The following CDH13 variants were observed in gnomAD, a reference collection of about 807,000 sequenced individuals.
CDH13 encodes the protein cadherin-13.
In CDH13, 24 loss-of-function variants were observed where a neutral mutation model predicts 63.8. The observed-to-expected ratio is 0.38, with a 90% CI of 0.27 to 0.53. The LOEUF is 0.53. CDH13 is among the 20% of genes least tolerant of loss of function. CDH13 has a pLI of 0.85. For missense variants in CDH13, 1,049 were observed against 903.1 expected (o/e 1.16, Z -2.07); for synonymous variants, 503 against 355.3 (o/e 1.42, Z -4.67).
intron 5 of CDH13, among the ~76,000 whole-genome samples, chr16:83,238,779 ACTT>A (rs1465350283): frequency 2.0e-5 from 3 of 151,984 alleles, no homozygotes; most frequent in Admixed American, 6.6e-5. Context: ...AGCGTTGAAC[ACTT>A]CTTGTTGAAT....
chr16:83,245,071 G>C (rs1382868981), intron 5 of CDH13, among the ~76,000 whole-genome samples: 4 of 151,192 alleles, frequency 2.6e-5, no homozygotes, highest in Non-Finnish European at 4.4e-5. Flanking sequence ...CCTTTCTAGG[G>C]ATAGCAGTCC....
chr16:83,296,732 C>A (rs964178837), intron 5 of CDH13, among the ~76,000 whole-genome samples: 1 of 152,164 alleles, frequency 6.6e-6, no homozygotes, highest in African/African-American at 2.4e-5. Flanking sequence ...TTGCCAATCT[C>A]ACTACTATTT....
At chr16:83,022,390 A>T (rs1597157405) in intron 2 of CDH13, among the ~76,000 whole-genome samples, 1 of 152,198 alleles carries the variant, frequency 6.6e-6, no homozygotes, top group Non-Finnish European at 1.5e-5. Flanking sequence ...GGCAGTTCCT[A>T]TCTGTGTCAT....
chr16:83,619,046 C>T (rs760143710), intron 8 of CDH13, among the ~76,000 whole-genome samples: 4 of 152,214 alleles, frequency 2.6e-5, no homozygotes, highest in South Asian at 2.1e-4. Flanking sequence ...TTATGAGAAG[C>T]GTCACCTTCA....
chr16:82,739,213 A>G (rs1396299033), intron 1 of CDH13, among the ~76,000 whole-genome samples: 2 of 142,442 alleles, frequency 1.4e-5, no homozygotes. Flanking sequence ...TATATTTTTT[A>G]GTAATTACAT....
intron 6 of CDH13, among the ~76,000 whole-genome samples, chr16:83,475,851 A>T (rs1393535948): frequency 1.3e-5 from 2 of 152,082 alleles, no homozygotes; most frequent in African/African-American, 4.8e-5. Flanking sequence ...TCCCAAAGTG[A>T]TGGGATTACA....
At chr16:83,219,605 A>G (rs1287309652) in intron 5 of CDH13, among the ~76,000 whole-genome samples, 1 of 152,226 alleles carries the variant, frequency 6.6e-6, no homozygotes, top group Non-Finnish European at 1.5e-5. Context: ...TTAAAGGTGA[A>G]GGAAGGTAAG....
At chr16:83,177,453 G>C (rs1425600589) in intron 4 of CDH13, among the ~76,000 whole-genome samples, 4 of 152,194 alleles carry the variant, frequency 2.6e-5, no homozygotes, top group Admixed American at 6.5e-5. Context: ...AGCTATGATA[G>C]ATCATGGCAT....
chr16:83,633,057 G>A (rs1247973531), intron 8 of CDH13, among the ~76,000 whole-genome samples: 1 of 152,142 alleles, frequency 6.6e-6, no homozygotes, highest in Admixed American at 6.5e-5. Flanking sequence ...AATGACCAGA[G>A]GTCACTCTTG....
intron 1 of CDH13, among the ~76,000 whole-genome samples, chr16:82,831,659 A>T (rs2038548138): frequency 6.6e-6 from 1 of 152,228 alleles, no homozygotes; most frequent in South Asian, 2.1e-4. Context: ...CATTTCACTT[A>T]TGAGACAGAA....
Position 83,457,476 on chromosome 16 carries a change from A to G in CDH13, c.782-29001A>G, listed in dbSNP as rs533888948. Among the ~76,000 whole-genome samples, 12 of 152,198 alleles carry G rather than the reference A, an allele frequency of 7.9e-5. No individual in the cohort carries two copies. In the East Asian group the frequency reaches 9.7e-4, roughly 12 times the overall value. On this transcript the variant is annotated intron_variant, in intron 6 of 13. Coordinates refer to ENST00000567109, the MANE Select transcript of CDH13 (RefSeq NM_001257.5). The stretch of plus-strand genomic sequence containing the variant: ...CCTCCCTTACCCCCTCTGCTTTTCA[A>G]TTAAGGATTGTGTGTGTCTGCCACC...
intron 6 of CDH13, among the ~76,000 whole-genome samples, chr16:83,348,114 C>A (rs2090877380): frequency 6.6e-6 from 1 of 152,234 alleles, no homozygotes; most frequent in Middle Eastern, 3.4e-3. Flanking sequence ...TGCTTGAACC[C>A]AGGAGGCGGA....
intron 13 of CDH13, 130 bp downstream of exon 13, chr16:83,783,602 T>C: frequency 2.6e-6 from 2 of 771,414 alleles, no homozygotes; most frequent in East Asian, 2.6e-5. Context: ...CTTTAGTGTA[T>C]GTCTGTATGA....
intron 2 of CDH13, among the ~76,000 whole-genome samples, chr16:82,952,546 A>G (rs760396634): frequency 1.2e-4 from 19 of 152,210 alleles, no homozygotes; most frequent in Non-Finnish European, 2.2e-4. Flanking sequence ...GCAGAGAATA[A>G]CCATAACTTT....
intron 9 of CDH13, among the ~76,000 whole-genome samples, chr16:83,675,452 C>G (rs1455507889): frequency 6.6e-6 from 1 of 152,324 alleles, no homozygotes; most frequent in South Asian, 2.1e-4. Context: ...TCCTCTGAAG[C>G]CAGCGTTCCG....
chr16:83,373,402 G>A (rs991621838), intron 6 of CDH13, among the ~76,000 whole-genome samples: 1 of 152,120 alleles, frequency 6.6e-6, no homozygotes, highest in Non-Finnish European at 1.5e-5. Flanking sequence ...GAAAGTGATT[G>A]GTAAGCTGAG....
At chr16:82,668,036 T>G (rs572501474) in intron 1 of CDH13, among the ~76,000 whole-genome samples, 1 of 152,252 alleles carries the variant, frequency 6.6e-6, no homozygotes, top group African/African-American at 2.4e-5. Context: ...TCTGAATCTT[T>G]AGAGATTATC....
chr16:83,311,018 G>A (rs946846306), intron 5 of CDH13, among the ~76,000 whole-genome samples: 3 of 152,204 alleles, frequency 2.0e-5, no homozygotes, highest in Non-Finnish European at 2.9e-5. Flanking sequence ...CAGGACAGAT[G>A]TGGTGGGAGC....
chr16:83,394,875 C>T (rs1286894621), intron 6 of CDH13, among the ~76,000 whole-genome samples: 1 of 152,082 alleles, frequency 6.6e-6, no homozygotes, highest in Non-Finnish European at 1.5e-5. Flanking sequence ...GGGCCAGGCA[C>T]AGTGGCTCAT....
Sources: gnomAD v4.1 joint callset for allele counts (sites outside exome capture counted in the v4.1 genomes callset) on GRCh38, gnomAD v4.1.1 for gene constraint, MANE v1.5 for transcripts, NCBI Gene and HGNC (gene_info 2026-07-23, HGNC 2026-07-21) for gene names.